The following EYA1 variants were observed in gnomAD, a reference collection of about 807,000 sequenced individuals.
The protein encoded by EYA1 is protein phosphatase EYA1.
EYA1 carries 16 observed loss-of-function variants against 82.0 expected under a neutral mutation model. That is an observed-to-expected ratio of 0.20 (90% confidence interval 0.13 to 0.30). The LOEUF is 0.30. EYA1 is among the 10% of genes least tolerant of loss of function. The pLI, the probability that EYA1 is intolerant of heterozygous loss-of-function variation, is 1.00. For synonymous variants in EYA1, 261 were observed against 264.4 expected (o/e 0.99, Z 0.12); for missense variants, 633 against 730.7 (o/e 0.87, Z 1.54).
chr8:71,293,754 A>T (rs1352320431), intron 9 of EYA1, among the ~76,000 whole-genome samples: 3 of 151,218 alleles, frequency 2.0e-5, no homozygotes, highest in African/African-American at 7.3e-5. Context: ...TAATAAAAAA[A>T]CTCAGTAATC....
chr8:71,394,410 T>C (rs919040488), intron 2 of EYA1, among the ~76,000 whole-genome samples: 6 of 152,214 alleles, frequency 3.9e-5, no homozygotes, highest in Admixed American at 6.5e-5. Flanking sequence ...TCTTCTAGGG[T>C]TGTTATGGCT....
At chr8:71,291,479 A>G (rs1314704717) in intron 9 of EYA1, among the ~76,000 whole-genome samples, 2 of 152,226 alleles carry the variant, frequency 1.3e-5, no homozygotes, top group East Asian at 3.8e-4. Flanking sequence ...GCACACGTGA[A>G]GGTAGATTTC....
At chr8:71,212,360 A>G (rs1808616935) in intron 16 of EYA1, among the ~76,000 whole-genome samples, 1 of 152,264 alleles carries the variant, frequency 6.6e-6, no homozygotes, top group South Asian at 2.1e-4. Flanking sequence ...ACTGTGAAAT[A>G]TTAAATCACT....
chr8:71,433,384 A>G (rs546234100), intron 2 of EYA1, among the ~76,000 whole-genome samples: 1 of 152,336 alleles, frequency 6.6e-6, no homozygotes, highest in South Asian at 2.1e-4. Flanking sequence ...CTCATATAAC[A>G]TGAATGATTT....
chr8:71,225,110 A>G, intron 12 of EYA1: 1 of 331,780 alleles, frequency 3.0e-6, no homozygotes, highest in Middle Eastern at 3.8e-4. Context: ...TTCTCTGTAA[A>G]GAGGAGACTG....
intron 2 of EYA1, among the ~76,000 whole-genome samples, chr8:71,432,600 T>C (rs1586706023): frequency 6.6e-6 from 1 of 152,188 alleles, no homozygotes; most frequent in East Asian, 1.9e-4. Context: ...TTGGGCATGA[T>C]TGTGTCCTAA....
At chr8:71,532,352 A>G (rs2129284570) in intron 2 of EYA1, among the ~76,000 whole-genome samples, 1 of 152,286 alleles carries the variant, frequency 6.6e-6, no homozygotes. Flanking sequence ...TCATGGAGCC[A>G]AAATTACACT....
intron 4 of EYA1, among the ~76,000 whole-genome samples, chr8:71,329,929 C>A (rs1257098385): frequency 6.6e-6 from 1 of 152,018 alleles, no homozygotes; most frequent in Non-Finnish European, 1.5e-5. Flanking sequence ...AGAGCTGCAC[C>A]GAGTCAAGTG....
At chr8:71,488,720 G>A (rs1810762532) in intron 2 of EYA1, among the ~76,000 whole-genome samples, 1 of 152,174 alleles carries the variant, frequency 6.6e-6, no homozygotes, top group Non-Finnish European at 1.5e-5. Flanking sequence ...TTTACTAGGT[G>A]TATGTTACAC....
At chr8:71,466,474 G>T (rs1808778843) in intron 2 of EYA1, among the ~76,000 whole-genome samples, 2 of 152,130 alleles carry the variant, frequency 1.3e-5, no homozygotes, top group Non-Finnish European at 2.9e-5. Flanking sequence ...TATAGTATGA[G>T]TTGACTCAAT....
chr8:71,486,387 T>G (rs1317734522), intron 2 of EYA1, among the ~76,000 whole-genome samples: 1 of 152,138 alleles, frequency 6.6e-6, no homozygotes, highest in Non-Finnish European at 1.5e-5. Flanking sequence ...AGCATTCGTT[T>G]CCCCTCATGC....
chr8:71,361,834 A>C lies in EYA1; in HGVS notation c.-242T>G, dbSNP rs886063093. 4 of 985,442 alleles carry C rather than the reference A, an allele frequency of 4.1e-6. No individual in the cohort carries two copies. The highest frequency in any genetic ancestry group is 4.8e-6 in the Non-Finnish European group (4 of 829,924). 61.0% of individuals were successfully genotyped at this position (985,442 alleles called of 1,614,324 possible). ...CAGGGGAAAGCTCGGCGCAGGGGGCAGGCGCCTGGCCGCTGCCGCAGGCTC... is the reference window on the plus strand; with the variant it reads ...CAGGGGAAAGCTCGGCGCAGGGGGCCGGCGCCTGGCCGCTGCCGCAGGCTC... On this transcript the variant is annotated 5_prime_UTR_variant, in exon 1 of 18. Transcript: ENST00000340726.
intron 11 of EYA1, among the ~76,000 whole-genome samples, chr8:71,269,274 C>T (rs1402555119): frequency 6.6e-6 from 1 of 152,066 alleles, no homozygotes; most frequent in Non-Finnish European, 1.5e-5. Flanking sequence ...TACATTTAAC[C>T]CAAGTAGCAA....
In EYA1 at chr8:71,448,025, T is replaced by TTTTTTTTTTTTAGGTAACGGAG. The variant is rs935912194; in HGVS notation, c.33+87718_33+87719insCTCCGTTACCTAAAAAAAAAAA. 1.7e-3 allele frequency among the ~76,000 whole-genome samples: 195 copies of TTTTTTTTTTTTAGGTAACGGAG among 116,710 alleles called. 18 individuals are homozygous for TTTTTTTTTTTTAGGTAACGGAG. Among genetic ancestry groups the TTTTTTTTTTTTAGGTAACGGAG allele is most frequent in the African/African-American group, 5.9e-3 (173 of 29,232 alleles). The allele number at this position is 116,710 out of a possible 152,430, so 76.6% of individuals were successfully genotyped here. ...GTTTAAGAGCTTTTTTTTTTTTTTTTTCTCGCTCCGTTGCCCAGGCTGCAG... is the reference window on the plus strand; with the variant it reads ...GTTTAAGAGCTTTTTTTTTTTTTTTTTTTTTTTTTTTAGGTAACGGAGTCTCGCTCCGTTGCCCAGGCTGCAG... On this transcript the variant is annotated intron_variant, in intron 2 of 18. Coordinates refer to the EYA1 transcript ENST00000643681.
intron 2 of EYA1, among the ~76,000 whole-genome samples, chr8:71,468,345 G>A (rs918279039): frequency 5.3e-5 from 8 of 151,948 alleles, no homozygotes; most frequent in Admixed American, 6.6e-5. Context: ...ACATTTCTAG[G>A]CACACCAGCT....
In EYA1 at chr8:71,206,916, C is replaced by T. The variant is rs6998603; in HGVS notation, c.1698+4240G>A. ...GACTACAGGCACCCACCACCACGCC[C>T]GGGTAATTTTTATATCTTTTATAAA... On this transcript the variant is annotated intron_variant, in intron 17 of 17. Transcript: ENST00000340726. Among the ~76,000 whole-genome samples the T allele has an allele frequency of 7.6e-3, 1,099 of 143,894 alleles. 18 individuals carry two copies. Among genetic ancestry groups the T allele is most frequent in the African/African-American group, 0.026 (1,026 of 39,996 alleles). 94.4% of individuals were successfully genotyped at this position (143,894 alleles called of 152,430 possible). A position where few individuals can be genotyped will look rare whatever the true frequency, so the allele number is the denominator to read the frequency against.
chr8:71,310,423 T>C (rs1821208518), intron 7 of EYA1, among the ~76,000 whole-genome samples: 1 of 152,154 alleles, frequency 6.6e-6, no homozygotes, highest in Non-Finnish European at 1.5e-5. Flanking sequence ...CACCCTTCGT[T>C]CTCTGACAGG....
At chr8:71,340,103 A>G (rs1824951938) in intron 3 of EYA1, among the ~76,000 whole-genome samples, 1 of 152,176 alleles carries the variant, frequency 6.6e-6, no homozygotes, top group South Asian at 2.1e-4. Context: ...CTTTGGAAAC[A>G]AATATTTATA....
chr8:71,435,408 T>A (rs1805933931), intron 2 of EYA1, among the ~76,000 whole-genome samples: 1 of 151,540 alleles, frequency 6.6e-6, no homozygotes, highest in Non-Finnish European at 1.5e-5. Context: ...CATATATAAA[T>A]ATATTTATTT....
Sources: allele counts gnomAD v4.1 joint callset (sites outside exome capture counted in the v4.1 genomes callset), GRCh38; gene constraint gnomAD v4.1.1; transcripts MANE v1.5; gene names NCBI Gene and HGNC (gene_info 2026-07-23, HGNC 2026-07-21).